The following STK3 variants were observed in gnomAD, a reference collection of about 807,000 sequenced individuals.
The protein encoded by STK3 is serine/threonine-protein kinase 3.
In STK3, 41 loss-of-function variants were observed where a neutral mutation model predicts 58.0. That is an observed-to-expected ratio of 0.71 (90% confidence interval 0.55 to 0.92). The LOEUF (loss-of-function observed/expected upper bound fraction) is 0.92. Among genes scored for constraint, STK3 ranks in the 40% least tolerant of loss-of-function variants. STK3 has a pLI of 0.00. For synonymous variants in STK3, 170 were observed against 191.0 expected, an observed-to-expected ratio of 0.89 and a Z score of 0.91; for missense variants, 479 against 602.7, an observed-to-expected ratio of 0.79 and a Z score of 2.15.
At chr8:98,588,301 C>CA (rs1360353243) in intron 7 of STK3, among the ~76,000 whole-genome samples, 1 of 151,742 alleles carries the variant, frequency 6.6e-6, no homozygotes, top group African/African-American at 2.4e-5. Context: ...CTGGTGGTGA[C>CA]AAAATCTCTC....
chr8:98,861,416 C>T (rs1256222173), intron 3 of STK3, among the ~76,000 whole-genome samples: 3 of 137,748 alleles, frequency 2.2e-5, no homozygotes, highest in Admixed American at 8.0e-5. Flanking sequence ...GGTGCTATCT[C>T]GGCTCACTGC....
intron 4 of STK3, among the ~76,000 whole-genome samples, chr8:98,728,326 A>G (rs1477965198): frequency 3.9e-5 from 6 of 152,244 alleles, no homozygotes; most frequent in African/African-American, 1.2e-4. Context: ...AAGTACATAC[A>G]TTAGGAAAAA....
intron 6 of STK3, among the ~76,000 whole-genome samples, chr8:98,629,566 C>T (rs1463823911): frequency 1.3e-5 from 2 of 151,908 alleles, no homozygotes; most frequent in South Asian, 2.1e-4. Context: ...GCTACTGATT[C>T]GAAAATAAAT....
At chr8:98,346,102 A>C in the STK3 span, among the ~76,000 whole-genome samples, 1 of 152,022 alleles carries the variant, frequency 6.6e-6, no homozygotes, top group African/African-American at 2.4e-5. Context: ...CCTGGCCAAC[A>C]TGGTGAAACC....
chr8:98,617,990 G>A (rs1817910321), intron 6 of STK3, among the ~76,000 whole-genome samples: 1 of 152,066 alleles, frequency 6.6e-6, no homozygotes, highest in Non-Finnish European at 1.5e-5. Context: ...TGATACCAAA[G>A]CCGGGCAGAG....
intron 1 of STK3, among the ~76,000 whole-genome samples, chr8:98,449,437 A>C (rs1021612845): frequency 1.3e-5 from 2 of 152,214 alleles, no homozygotes; most frequent in Non-Finnish European, 2.9e-5. Flanking sequence ...ATTAAAACAT[A>C]AATTTAATTT....
chr8:98,507,944 C>T (rs1189900904), intron 10 of STK3, among the ~76,000 whole-genome samples: 1 of 152,158 alleles, frequency 6.6e-6, no homozygotes, highest in Non-Finnish European at 1.5e-5. Context: ...CAACACCGGC[C>T]TCATTACCTT....
At chr8:98,654,240 T>A (rs1485356039) in intron 6 of STK3, among the ~76,000 whole-genome samples, 1 of 152,210 alleles carries the variant, frequency 6.6e-6, no homozygotes, top group Non-Finnish European at 1.5e-5. Context: ...AACCACATGA[T>A]TATCTCAATA....
At chr8:98,731,626 G>A (rs2131250718) in intron 4 of STK3, among the ~76,000 whole-genome samples, 1 of 151,930 alleles carries the variant, frequency 6.6e-6, no homozygotes, top group African/African-American at 2.4e-5. Context: ...GGGAGGCTGA[G>A]GCAGGAGAAT....
intron 10 of STK3, among the ~76,000 whole-genome samples, chr8:98,483,199 A>G (rs1467396099): frequency 6.6e-6 from 1 of 152,168 alleles, no homozygotes; most frequent in Non-Finnish European, 1.5e-5. Context: ...AAGATATGGA[A>G]CTGCTGAAGA....
At chr8:98,908,554 A>G (rs1263428319) in intron 1 of STK3, among the ~76,000 whole-genome samples, 1 of 152,158 alleles carries the variant, frequency 6.6e-6, no homozygotes, top group African/African-American at 2.4e-5. Flanking sequence ...CCTTGTCTCA[A>G]AGCAAAAATG....
chr8:98,404,245 G>T (rs1349563097), intron 3 of STK3, among the ~76,000 whole-genome samples: 1 of 152,194 alleles, frequency 6.6e-6, no homozygotes, highest in East Asian at 1.9e-4. Flanking sequence ...CTTTTTAAAA[G>T]TTGACCGTGG....
intron 6 of STK3, chr8:98,633,744 T>C (rs1587101220): frequency 8.2e-6 from 5 of 612,282 alleles, no homozygotes; most frequent in African/African-American, 5.5e-5. Flanking sequence ...TGATCCAGAG[T>C]ACCAGCAAGA....
intron 1 of STK3, among the ~76,000 whole-genome samples, chr8:98,900,608 T>C (rs1838619483): frequency 6.6e-6 from 1 of 152,138 alleles, no homozygotes; most frequent in Non-Finnish European, 1.5e-5. Context: ...TATTTTCTTC[T>C]GCTGTTTTCC....
chr8:98,450,301 A>T (rs1245567887), downstream of STK3, among the ~76,000 whole-genome samples: 9 of 152,226 alleles, frequency 5.9e-5, no homozygotes, highest in Non-Finnish European at 5.9e-5. Context: ...ATTCTTGCAA[A>T]AACATGGCAC....
At chr8:98,505,658 G>T (rs1167648012) in intron 10 of STK3, among the ~76,000 whole-genome samples, 1 of 152,186 alleles carries the variant, frequency 6.6e-6, no homozygotes, top group African/African-American at 2.4e-5. Flanking sequence ...TCCCTCAGCT[G>T]CAGGTCTGTT....
At chr8:98,481,169 G>C (rs1406974900) in intron 10 of STK3, among the ~76,000 whole-genome samples, 9 of 151,730 alleles carry the variant, frequency 5.9e-5, no homozygotes, top group Admixed American at 5.9e-4. Flanking sequence ...ATGGATAAAT[G>C]CTAGAATGAG....
At chr8:98,616,308 G>A (rs1490185973) in intron 6 of STK3, among the ~76,000 whole-genome samples, 1 of 131,080 alleles carries the variant, frequency 7.6e-6, no homozygotes, top group East Asian at 2.2e-4. Context: ...GCTCCTGAAG[G>A]AAGCGCTAAA....
At chr8:98,861,809 A>C (rs1463564189) in intron 3 of STK3, among the ~76,000 whole-genome samples, 5 of 152,158 alleles carry the variant, frequency 3.3e-5, no homozygotes, top group African/African-American at 1.2e-4. Flanking sequence ...GAGTAAAGAG[A>C]TTGCTTTAAG....
Sources: gnomAD v4.1 joint callset for allele counts (sites outside exome capture counted in the v4.1 genomes callset) on GRCh38, gnomAD v4.1.1 for gene constraint, MANE v1.5 for transcripts, NCBI Gene and HGNC (gene_info 2026-07-23, HGNC 2026-07-21) for gene names.